The following SH3RF3 variants were observed in gnomAD, a reference collection of about 807,000 sequenced individuals.
SH3RF3 encodes SH3 domain containing ring finger 3.
A neutral mutation model predicts 66.3 loss-of-function variants in SH3RF3; 29 were observed. That is an observed-to-expected ratio of 0.44 (90% CI 0.33 to 0.60). The LOEUF is 0.60. Ranked by LOEUF, SH3RF3 falls within the 20% of genes least tolerant of loss-of-function variation. SH3RF3 has a pLI of 0.04. For missense variants in SH3RF3, 1,194 were observed against 1,190.9 expected, an observed-to-expected ratio of 1.00 and a Z score of -0.04; for synonymous variants, 583 against 532.0, an observed-to-expected ratio of 1.10 and a Z score of -1.32.
chr2:109,289,226 T>C (rs1425158926), intron 1 of SH3RF3, among the ~76,000 whole-genome samples: 1 of 152,198 alleles, frequency 6.6e-6, no homozygotes, highest in Non-Finnish European at 1.5e-5. Flanking sequence ...GACTGCACGC[T>C]CTATGTGCAC....
chr2:109,181,321 CA>C (rs1264227964), intron 1 of SH3RF3, among the ~76,000 whole-genome samples: 6 of 152,202 alleles, frequency 3.9e-5, no homozygotes, highest in Non-Finnish European at 7.3e-5. Context: ...CAAAACTAAG[CA>C]ATTAACATGG....
chr2:109,238,065 G>T (rs963394214), intron 1 of SH3RF3, among the ~76,000 whole-genome samples: 1 of 152,158 alleles, frequency 6.6e-6, no homozygotes, highest in Non-Finnish European at 1.5e-5. Flanking sequence ...AATTAGCCAA[G>T]CATGGTGGCA....
At chr2:109,444,111 C>T (rs752104515) in intron 7 of SH3RF3, among the ~76,000 whole-genome samples, 2 of 152,068 alleles carry the variant, frequency 1.3e-5, no homozygotes, top group Non-Finnish European at 2.9e-5. Context: ...ATTTGATATA[C>T]TCAAATATTT....
At chr2:109,494,989 A>G (rs1203607796) in intron 9 of SH3RF3, among the ~76,000 whole-genome samples, 1 of 152,010 alleles carries the variant, frequency 6.6e-6, no homozygotes, top group Non-Finnish European at 1.5e-5. Context: ...CGAGGCTGGC[A>G]GGCTCAGCTG....
At chr2:109,416,076 C>T (rs1438108620) in intron 4 of SH3RF3, among the ~76,000 whole-genome samples, 6 of 152,198 alleles carry the variant, frequency 3.9e-5, no homozygotes, top group Non-Finnish European at 7.3e-5. Flanking sequence ...GGCCATGCAG[C>T]ATCGCACTTC....
intron 1 of SH3RF3, among the ~76,000 whole-genome samples, chr2:109,346,139 C>T (rs956430184): frequency 2.0e-5 from 3 of 152,160 alleles, no homozygotes; most frequent in Non-Finnish European, 2.9e-5. Flanking sequence ...ATTGTGCTCG[C>T]ACTACAAAGC....
chr2:109,199,844 G>GAATGGA (rs1558954188), intron 1 of SH3RF3, among the ~76,000 whole-genome samples: 3 of 52,370 alleles, frequency 5.7e-5, no homozygotes, highest in African/African-American at 1.1e-4. Flanking sequence ...GAATGGAATG[G>GAATGGA]AATGGAAATA....
chr2:109,277,604 C>G (rs753578532), intron 1 of SH3RF3, among the ~76,000 whole-genome samples: 1 of 152,200 alleles, frequency 6.6e-6, no homozygotes, highest in African/African-American at 2.4e-5. Context: ...CTGCACTCCT[C>G]CGCGTGCGTA....
In SH3RF3 at chr2:109,430,669, A is replaced by G. The variant is rs1400721018; in HGVS notation, c.1404-1832A>G. Among the ~76,000 whole-genome samples the G allele has an allele frequency of 2.0e-5, 3 of 152,132 alleles. No individual in the cohort carries two copies. In the East Asian group the frequency reaches 5.8e-4, roughly 29 times the overall value. ...TTCACTGGACTTTTCCCTTAGTGGTATTTCCTCTATGGTGATGGGAACAGA... is the reference window on the plus strand; with the variant it reads ...TTCACTGGACTTTTCCCTTAGTGGTGTTTCCTCTATGGTGATGGGAACAGA... On this transcript the variant is annotated intron_variant, in intron 5 of 9. Transcript: ENST00000309415.
At chr2:109,131,803 G>A (rs564100508) in intron 1 of SH3RF3, among the ~76,000 whole-genome samples, 6 of 152,166 alleles carry the variant, frequency 3.9e-5, no homozygotes, top group East Asian at 3.8e-4. Context: ...TTCTTTATGG[G>A]TGCATAGTCA....
At chr2:109,369,586 G>A (rs1037352895) in intron 2 of SH3RF3, among the ~76,000 whole-genome samples, 1 of 152,190 alleles carries the variant, frequency 6.6e-6, no homozygotes, top group Non-Finnish European at 1.5e-5. Flanking sequence ...TTGGGGGAGA[G>A]GATGGGGAAA....
chr2:109,196,057 G>A (rs1018762116), intron 1 of SH3RF3, among the ~76,000 whole-genome samples: 2 of 152,220 alleles, frequency 1.3e-5, no homozygotes, highest in East Asian at 1.9e-4. Context: ...AGGTGATGTC[G>A]AAGGGCTCCA....
chr2:109,173,438 A>T (rs552288759), intron 1 of SH3RF3, among the ~76,000 whole-genome samples: 1 of 152,150 alleles, frequency 6.6e-6, no homozygotes, highest in Non-Finnish European at 1.5e-5. Flanking sequence ...TAAATGACAT[A>T]GTTCTTCATT....
At chr2:109,310,022 A>C (rs1440200118) in intron 1 of SH3RF3, among the ~76,000 whole-genome samples, 1 of 123,172 alleles carries the variant, frequency 8.1e-6, no homozygotes, top group African/African-American at 4.1e-5. Context: ...CTCCACCCCA[A>C]ATCAACAGAA....
At chr2:109,186,515 C>T (rs1678189931) in intron 1 of SH3RF3, among the ~76,000 whole-genome samples, 1 of 152,174 alleles carries the variant, frequency 6.6e-6, no homozygotes, top group Non-Finnish European at 1.5e-5. Flanking sequence ...GGCCAGTTAC[C>T]CAGACCTTGA....
intron 4 of SH3RF3, among the ~76,000 whole-genome samples, chr2:109,404,389 C>T (rs951616659): frequency 2.0e-5 from 3 of 152,168 alleles, no homozygotes; most frequent in African/African-American, 4.8e-5. Context: ...AACAGGCCAG[C>T]GCCTGGCCTC....
chr2:109,192,089 A>G (rs945031551), intron 1 of SH3RF3, among the ~76,000 whole-genome samples: 1 of 152,206 alleles, frequency 6.6e-6, no homozygotes, highest in African/African-American at 2.4e-5. Flanking sequence ...ACCGAGCGAC[A>G]GAAGTCAACT....
intron 1 of SH3RF3, among the ~76,000 whole-genome samples, chr2:109,313,181 G>A (rs1681776049): frequency 6.6e-6 from 1 of 152,208 alleles, no homozygotes; most frequent in South Asian, 2.1e-4. Flanking sequence ...AGAACCAGGG[G>A]ACCTGGAAAG....
chr2:109,230,233 A>G (rs1357286222), intron 1 of SH3RF3, among the ~76,000 whole-genome samples: 1 of 152,076 alleles, frequency 6.6e-6, no homozygotes, highest in Non-Finnish European at 1.5e-5. Flanking sequence ...GTTTGACTTT[A>G]GAGTTTTTGA....
Sources: allele counts gnomAD v4.1 joint callset (sites outside exome capture counted in the v4.1 genomes callset), GRCh38; gene constraint gnomAD v4.1.1; transcripts MANE v1.5; gene names NCBI Gene and HGNC (gene_info 2026-07-23, HGNC 2026-07-21).